The following AMPH variants were observed in gnomAD, a reference collection of about 807,000 sequenced individuals.
AMPH encodes the protein amphiphysin, also known as amphiphysin (Stiff-Mann syndrome with breast cancer 128kD autoantigen).
Under a neutral mutation model 99.1 loss-of-function variants are expected in AMPH, and 49 were observed. That is an observed-to-expected ratio of 0.49 (90% CI 0.39 to 0.63). The LOEUF (loss-of-function observed/expected upper bound fraction) is 0.63. Ranked by LOEUF, AMPH falls within the 20% of genes least tolerant of loss-of-function variation. The probability of loss-of-function intolerance (pLI) is 0.00; values close to 1 mark genes in which losing one functional copy is unlikely to be tolerated. For missense variants in AMPH, 759 were observed against 863.4 expected (o/e 0.88, Z 1.52); for synonymous variants, 314 against 317.3 (o/e 0.99, Z 0.11).
At chr7:38,469,717 T>C (rs1562775997) in intron 7 of AMPH, among the ~76,000 whole-genome samples, 1 of 151,904 alleles carries the variant, frequency 6.6e-6, no homozygotes, top group Non-Finnish European at 1.5e-5. Context: ...TGCCTCATGG[T>C]TTCCCCTCTC....
intron 5 of AMPH, among the ~76,000 whole-genome samples, chr7:38,477,941 C>A (rs1301970567): frequency 6.6e-6 from 1 of 152,064 alleles, no homozygotes; most frequent in Admixed American, 6.6e-5. Flanking sequence ...AGGCCCAAGA[C>A]CTGACTCCTA....
At chr7:38,606,589 G>C (rs1314243213) in intron 1 of AMPH, among the ~76,000 whole-genome samples, 1 of 26,968 alleles carries the variant, frequency 3.7e-5, no homozygotes, top group East Asian at 1.2e-3. Context: ...TTTTTTTTTT[G>C]TGAGACAGGG....
chr7:38,524,408 C>A (rs564926893), intron 2 of AMPH, among the ~76,000 whole-genome samples: 1 of 152,316 alleles, frequency 6.6e-6, no homozygotes, highest in South Asian at 2.1e-4. Context: ...TTTCTCTGGG[C>A]CTCTAACTTG....
chr7:38,575,255 T>C (rs956825317), intron 1 of AMPH, among the ~76,000 whole-genome samples: 6 of 152,096 alleles, frequency 3.9e-5, no homozygotes, highest in African/African-American at 1.2e-4. Flanking sequence ...AACAGTTTAA[T>C]TTTTTTAACC....
chr7:38,577,512 G>C (rs1792290530), intron 1 of AMPH, among the ~76,000 whole-genome samples: 1 of 152,202 alleles, frequency 6.6e-6, no homozygotes, highest in Non-Finnish European at 1.5e-5. Flanking sequence ...TCTGGATACT[G>C]ACCAAGTTTC....
intron 1 of AMPH, among the ~76,000 whole-genome samples, 186 bp downstream of exon 1, chr7:38,631,097 G>A (rs1562872178): frequency 6.6e-6 from 1 of 151,948 alleles, no homozygotes; most frequent in Non-Finnish European, 1.5e-5. Flanking sequence ...GCTCCCCGCG[G>A]CGCCCGGGTC....
At chr7:38,552,773 T>C (rs1352295478) in intron 1 of AMPH, among the ~76,000 whole-genome samples, 1 of 152,210 alleles carries the variant, frequency 6.6e-6, no homozygotes, top group African/African-American at 2.4e-5. Flanking sequence ...CTTGACCCTG[T>C]TCTGCCAAGT....
chr7:38,469,048 G>A lies in AMPH; in HGVS notation c.591-2800C>T, dbSNP rs1787777226. Among the ~76,000 whole-genome samples the A allele has an allele frequency of 1.8e-5, 2 of 111,354 alleles. 1 individual carries two copies. Among genetic ancestry groups the A allele is most frequent in the Admixed American group, 2.1e-4 (2 of 9,512 alleles). The allele number at this position is 111,354 out of a possible 152,430, so 73.1% of individuals were successfully genotyped here. A position where few individuals can be genotyped will look rare whatever the true frequency, so the allele number is the denominator to read the frequency against. ...GGGCGCCTGTAGTCCCAGCTACTCG[G>A]GAGGCTGAGGCAGGAGAATGGCGTG... On this transcript the variant is annotated intron_variant, in intron 7 of 20. Transcript: ENST00000356264.
At chr7:38,525,481 T>TGTG (rs60206516) in intron 2 of AMPH, among the ~76,000 whole-genome samples, 6 of 150,008 alleles carry the variant, frequency 4.0e-5, no homozygotes, top group African/African-American at 1.2e-4. Flanking sequence ...TGTGTGTGTG[T>TGTG]TTAGTTTTAT....
intron 1 of AMPH, among the ~76,000 whole-genome samples, chr7:38,590,330 A>G (rs1792808903): frequency 6.6e-6 from 1 of 152,222 alleles, no homozygotes; most frequent in African/African-American, 2.4e-5. Flanking sequence ...TCAGGAGCAC[A>G]GCCCACACCC....
At chr7:38,596,910 C>T (rs1474850681) in intron 1 of AMPH, among the ~76,000 whole-genome samples, 1 of 152,226 alleles carries the variant, frequency 6.6e-6, no homozygotes, top group African/African-American at 2.4e-5. Context: ...ACCTCTCAAA[C>T]ACATGCATCT....
At chr7:38,399,714 A>G (rs80039411) in intron 17 of AMPH, among the ~76,000 whole-genome samples, 8,834 of 152,320 alleles carry the variant, frequency 0.058, 359 homozygotes, top group East Asian at 0.19. Context: ...TGTTACTCAC[A>G]AAGACCAGGG....
At chr7:38,472,359 A>G (rs1787917841) in intron 7 of AMPH, among the ~76,000 whole-genome samples, 1 of 152,148 alleles carries the variant, frequency 6.6e-6, no homozygotes, top group Non-Finnish European at 1.5e-5. Flanking sequence ...AGATAAAGAG[A>G]GGCCCTAGAT....
At chr7:38,528,207 T>G (rs1429895430) in intron 2 of AMPH, among the ~76,000 whole-genome samples, 1 of 152,184 alleles carries the variant, frequency 6.6e-6, no homozygotes, top group Non-Finnish European at 1.5e-5. Flanking sequence ...AGTTTTCTTT[T>G]TTTCATACTA....
At position 38,442,872 on chromosome 7, in the gene AMPH, AAAC is replaced by A. The variant is rs1313563098; in HGVS notation, c.1018-6487_1018-6485del. Among the ~76,000 whole-genome samples, 6 of 151,494 alleles carry A rather than the reference AAAC, an allele frequency of 4.0e-5. No homozygotes were observed. The Admixed American group carries it at 4.0e-4, about 10-fold the overall frequency. On this transcript the variant is annotated intron_variant, in intron 11 of 20. Transcript: ENST00000356264. ...TTAGAGTGGAAATCAGTGAAACAGA[AAAC>A]AAAAGACAGAGTGAGAACAAGAAAA...
At chr7:38,406,569 G>A (rs1324742987) in intron 17 of AMPH, among the ~76,000 whole-genome samples, 4 of 152,026 alleles carry the variant, frequency 2.6e-5, no homozygotes, top group Non-Finnish European at 5.9e-5. Flanking sequence ...TGGTGCCAGA[G>A]GAGACTGACA....
At chr7:38,512,194 T>C (rs1306264087) in intron 2 of AMPH, among the ~76,000 whole-genome samples, 1 of 152,228 alleles carries the variant, frequency 6.6e-6, no homozygotes, top group East Asian at 1.9e-4. Flanking sequence ...TTCTAGTGTA[T>C]GTCCTTCCTT....
chr7:38,597,725 A>G (rs1040119907), intron 1 of AMPH, among the ~76,000 whole-genome samples: 1 of 152,230 alleles, frequency 6.6e-6, no homozygotes, highest in Admixed American at 6.5e-5. Context: ...AACCCCACCC[A>G]TCACAACTCA....
chr7:38,443,649 T>G (rs1786643634), intron 11 of AMPH, among the ~76,000 whole-genome samples: 1 of 152,092 alleles, frequency 6.6e-6, no homozygotes, highest in Non-Finnish European at 1.5e-5. Context: ...AAATCCACAT[T>G]AATTCCTGTT....
Sources: gnomAD v4.1 joint callset for allele counts (sites outside exome capture counted in the v4.1 genomes callset) on GRCh38, gnomAD v4.1.1 for gene constraint, MANE v1.5 for transcripts, NCBI Gene and HGNC (gene_info 2026-07-23, HGNC 2026-07-21) for gene names.